The following CERS6 variants were observed in gnomAD, a reference collection of about 807,000 sequenced individuals.
The protein encoded by CERS6 is ceramide synthase 6.
CERS6 carries 26 observed loss-of-function variants against 56.8 expected under a neutral mutation model. The observed-to-expected ratio is 0.46, with a 90% CI of 0.34 to 0.63. The LOEUF (loss-of-function observed/expected upper bound fraction) is 0.63, where lower values mean the gene tolerates loss of function less well. Ranked by LOEUF, CERS6 falls within the 30% of genes least tolerant of loss-of-function variation. The probability of loss-of-function intolerance (pLI) is 0.01; values close to 1 mark genes in which losing one functional copy is unlikely to be tolerated. For missense variants in CERS6, 415 were observed against 467.5 expected (o/e 0.89, Z 1.04); for synonymous variants, 164 against 173.3 (o/e 0.95, Z 0.42).
At chr2:168,662,124 T>TAC (rs1685645730) in intron 4 of CERS6, among the ~76,000 whole-genome samples, 1 of 120,652 alleles carries the variant, frequency 8.3e-6, no homozygotes, top group Admixed American at 8.2e-5. Flanking sequence ...TTCAAGGCTG[T>TAC]CTCTTTTTTT....
chr2:168,676,999 C>CTTTTTTTTTTTTTTTGGGTT (rs59600302), intron 4 of CERS6, among the ~76,000 whole-genome samples: 2 of 96,698 alleles, frequency 2.1e-5, no homozygotes, highest in African/African-American at 7.5e-5. Flanking sequence ...TTTTTTGGGG[C>CTTTTTTTTTTTTTTTGGGTT]TTTTTTTTTT....
chr2:168,631,149 A>C, intron 4 of CERS6, 107 bp downstream of exon 4: 1 of 536,388 alleles, frequency 1.9e-6, no homozygotes. Context: ...TAATCATATC[A>C]GGCTTCCTAA....
At position 168,656,660 on chromosome 2, in the gene CERS6, A is replaced by T. The variant is rs190388113; in HGVS notation, c.465+25618A>T. Among the ~76,000 whole-genome samples, 7 of 152,306 alleles carry T rather than the reference A, an allele frequency of 4.6e-5. No homozygotes were observed. The East Asian group carries it at 1.4e-3, about 29-fold the overall frequency. On this transcript the variant is annotated intron_variant, in intron 4 of 9. Coordinates refer to ENST00000305747, the MANE Select transcript of CERS6 (RefSeq NM_203463.3). ...GGTGAGTGTCACAGCTCATAAAAGC[A>T]GCGTGGACCCAAAGAGTGAGCAGTA...
intron 4 of CERS6, among the ~76,000 whole-genome samples, chr2:168,641,651 A>G (rs1317657695): frequency 6.6e-6 from 1 of 152,210 alleles, no homozygotes; most frequent in Non-Finnish European, 1.5e-5. Context: ...TGTTTTGCAT[A>G]TATGTAAAGC....
intron 1 of CERS6, among the ~76,000 whole-genome samples, chr2:168,495,766 T>C (rs536023077): frequency 1.8e-4 from 28 of 152,322 alleles, no homozygotes; most frequent in African/African-American, 5.8e-4. Flanking sequence ...ACATATAGTG[T>C]CATATCTGTC....
chr2:168,486,518 G>GTTTT lies in CERS6; in HGVS notation c.170+29900_170+29901insTTTT, dbSNP rs1491580943. On this transcript the variant is annotated intron_variant, in intron 1 of 9. Coordinates refer to ENST00000305747, the MANE Select transcript of CERS6 (RefSeq NM_203463.3). ...ATTTTTGTTAAAGGTGTCTAGATTT[G>GTTTT]GTTTTGTTTTTTTTTTTTTTGCCTA... is the stretch of plus-strand genomic sequence containing the variant. 5.1e-4 allele frequency among the ~76,000 whole-genome samples: 69 copies of GTTTT among 136,290 alleles called. 3 individuals carry two copies. Among genetic ancestry groups the GTTTT allele is most frequent in the Admixed American group, 8.3e-4 (11 of 13,322 alleles). 89.4% of individuals were successfully genotyped at this position (136,290 alleles called of 152,430 possible).
chr2:168,750,609 GTATC>G (rs2105444356), intron 8 of CERS6, among the ~76,000 whole-genome samples: 1 of 152,200 alleles, frequency 6.6e-6, no homozygotes, highest in Admixed American at 6.5e-5. Context: ...TGGCTACAGA[GTATC>G]TACCATATGA....
At chr2:168,543,497 A>G (rs1695410443) in intron 1 of CERS6, among the ~76,000 whole-genome samples, 1 of 23,536 alleles carries the variant, frequency 4.2e-5, no homozygotes, top group South Asian at 4.7e-3. Flanking sequence ...TACATGGTCT[A>G]ATGGACCATG....
At chr2:168,722,582 C>A (rs1209610578) in intron 8 of CERS6, among the ~76,000 whole-genome samples, 2 of 152,186 alleles carry the variant, frequency 1.3e-5, no homozygotes, top group Non-Finnish European at 1.5e-5. Flanking sequence ...TCTAACGAAG[C>A]AAACTTGTGT....
At chr2:168,732,270 T>G (rs978271448) in intron 8 of CERS6, among the ~76,000 whole-genome samples, 2 of 152,220 alleles carry the variant, frequency 1.3e-5, no homozygotes, top group African/African-American at 2.4e-5. Context: ...CCTTTCCTTG[T>G]CACGTTTCTC....
chr2:168,670,971 C>CCG (rs1553506514), intron 4 of CERS6, among the ~76,000 whole-genome samples: 1 of 57,000 alleles, frequency 1.8e-5, no homozygotes, highest in Non-Finnish European at 7.6e-5. Context: ...ATGCTTCCCC[C>CCG]CCCCCCCCCA....
In CERS6 at chr2:168,764,841, G is replaced by A. The variant is rs546652068; in HGVS notation, c.846-751G>A. On this transcript the variant is annotated intron_variant, in intron 8 of 9. Transcript: ENST00000305747. Reference sequence around the variant, plus strand: ...TGAAAGAAATGATGGCAAAAGTGAAGGGGGAAACATATGATCCAACAATTC... The same window carrying A: ...TGAAAGAAATGATGGCAAAAGTGAAAGGGGAAACATATGATCCAACAATTC... Among the ~76,000 whole-genome samples the A allele has an allele frequency of 2.8e-4, 43 of 152,278 alleles. No individual in the cohort carries two copies. The East Asian group carries it at 7.7e-3, about 27-fold the overall frequency.
chr2:168,594,394 G>C (rs1216454291), intron 3 of CERS6, among the ~76,000 whole-genome samples: 2 of 152,146 alleles, frequency 1.3e-5, no homozygotes. Context: ...AGACCAGCCT[G>C]TGCAACATAG....
intron 1 of CERS6, among the ~76,000 whole-genome samples, chr2:168,494,037 ATAT>A (rs1158585246): frequency 1.3e-5 from 2 of 152,000 alleles, no homozygotes; most frequent in African/African-American, 4.8e-5. Context: ...CTACAATGGA[ATAT>A]TATTCGTTAT....
intron 3 of CERS6, among the ~76,000 whole-genome samples, chr2:168,617,286 G>A (rs986298645): frequency 7.9e-5 from 12 of 152,122 alleles, no homozygotes; most frequent in Non-Finnish European, 1.0e-4. Context: ...AAGTCTGAAA[G>A]AGCACACACG....
chr2:168,723,246 A>G (rs964212428), intron 8 of CERS6, among the ~76,000 whole-genome samples: 2 of 152,162 alleles, frequency 1.3e-5, no homozygotes, highest in Non-Finnish European at 2.9e-5. Context: ...AGGAAACCCT[A>G]CACCTCTAAA....
intron 4 of CERS6, among the ~76,000 whole-genome samples, chr2:168,682,561 A>G (rs915756471): frequency 3.3e-5 from 5 of 152,334 alleles, no homozygotes; most frequent in African/African-American, 1.2e-4. Flanking sequence ...CCTTGACAGT[A>G]TGCCACATGA....
intron 8 of CERS6, among the ~76,000 whole-genome samples, chr2:168,740,416 G>A (rs899954170): frequency 2.6e-5 from 4 of 152,232 alleles, no homozygotes; most frequent in Middle Eastern, 3.4e-3. Flanking sequence ...AACACTACTA[G>A]GTAATTGAGA....
chr2:168,762,590 A>G (rs1256978730), intron 8 of CERS6, among the ~76,000 whole-genome samples: 38 of 152,224 alleles, frequency 2.5e-4, no homozygotes, highest in Admixed American at 2.4e-3. Context: ...GCCTATGTAT[A>G]TAATATATTA....
Sources: gnomAD v4.1 joint callset for allele counts (sites outside exome capture counted in the v4.1 genomes callset) on GRCh38, gnomAD v4.1.1 for gene constraint, MANE v1.5 for transcripts, NCBI Gene and HGNC (gene_info 2026-07-23, HGNC 2026-07-21) for gene names.